Variants in SUGCT observed in about 807,000 individuals in gnomAD.
SUGCT encodes the protein succinyl-CoA:glutarate CoA-transferase.
A neutral mutation model predicts 55.0 loss-of-function variants in SUGCT; 41 were observed. The ratio of observed to expected loss-of-function variants is 0.74; its 90% CI spans 0.58 to 0.97. The LOEUF (loss-of-function observed/expected upper bound fraction) is 0.97, where lower values mean the gene tolerates loss of function less well. Ranked by LOEUF, SUGCT falls within the 50% of genes least tolerant of loss-of-function variation. The pLI is 0.00. For synonymous variants in SUGCT, 187 were observed against 200.4 expected (o/e 0.93, Z 0.56); for missense variants, 568 against 547.8 (o/e 1.04, Z -0.37).
chr7:40,348,891 A>G (rs1009089931), intron 9 of SUGCT, among the ~76,000 whole-genome samples: 2 of 152,140 alleles, frequency 1.3e-5, no homozygotes, highest in Admixed American at 1.3e-4. Flanking sequence ...TTTCATATTT[A>G]AGGAAGAACA....
At chr7:40,715,074 A>T (rs910226704) in intron 12 of SUGCT, among the ~76,000 whole-genome samples, 1 of 152,194 alleles carries the variant, frequency 6.6e-6, no homozygotes, top group Admixed American at 6.5e-5. Context: ...ATGGAAAAAA[A>T]AAATTGTAAG....
At chr7:40,908,194 C>T in the SUGCT span, among the ~76,000 whole-genome samples, 11 of 151,394 alleles carry the variant, frequency 7.3e-5, no homozygotes, top group East Asian at 3.9e-4. Context: ...CTGGCTAACA[C>T]GGTGAAACCC....
intron 13 of SUGCT, among the ~76,000 whole-genome samples, chr7:40,810,341 A>G (rs141786424): frequency 0.085 from 12,942 of 152,224 alleles, 656 homozygotes; most frequent in Middle Eastern, 0.17. Context: ...AGAAATCTCC[A>G]AACTGCTTTC....
intron 1 of SUGCT, among the ~76,000 whole-genome samples, chr7:40,179,861 C>T (rs760390516): frequency 1.9e-4 from 29 of 152,266 alleles, no homozygotes; most frequent in Admixed American, 5.9e-4. Flanking sequence ...ATCCTGTTGG[C>T]GAAAACAAGG....
chr7:40,328,578 C>A (rs760246315), intron 9 of SUGCT, among the ~76,000 whole-genome samples: 1 of 152,082 alleles, frequency 6.6e-6, no homozygotes, highest in African/African-American at 2.4e-5. Context: ...TATTCACACC[C>A]CATTTCAACC....
intron 12 of SUGCT, among the ~76,000 whole-genome samples, chr7:40,721,447 G>A (rs1231210445): frequency 1.3e-5 from 2 of 152,166 alleles, no homozygotes; most frequent in African/African-American, 4.8e-5. Flanking sequence ...TGCTCTCAGA[G>A]GATCTCACTG....
At chr7:40,504,246 A>AAAACAAAC (rs143157340) in intron 12 of SUGCT, among the ~76,000 whole-genome samples, 44 of 152,080 alleles carry the variant, frequency 2.9e-4, no homozygotes, top group African/African-American at 1.1e-3. Flanking sequence ...TCTTTTTTAA[A>AAAACAAAC]AAACAAACAA....
At chr7:40,338,024 A>G (rs982388249) in intron 9 of SUGCT, among the ~76,000 whole-genome samples, 2 of 152,140 alleles carry the variant, frequency 1.3e-5, no homozygotes, top group Non-Finnish European at 2.9e-5. Context: ...GTTTGGGTGG[A>G]TATGAAATTC....
At chr7:40,504,904 A>G (rs930818247) in intron 12 of SUGCT, among the ~76,000 whole-genome samples, 2 of 152,160 alleles carry the variant, frequency 1.3e-5, no homozygotes, top group African/African-American at 4.8e-5. Flanking sequence ...GTATTTCCCA[A>G]ACTTTCTAAT....
chr7:40,557,607 TAC>T, intron 12 of SUGCT, among the ~76,000 whole-genome samples: 1 of 151,948 alleles, frequency 6.6e-6, no homozygotes, highest in Non-Finnish European at 1.5e-5. Context: ...ACCCCATTTC[TAC>T]TAAAAATACA....
chr7:40,527,212 C>CT (rs1439235150), intron 12 of SUGCT, among the ~76,000 whole-genome samples: 2 of 152,128 alleles, frequency 1.3e-5, no homozygotes, highest in Non-Finnish European at 2.9e-5. Context: ...GTTTGAAATT[C>CT]TTTTTCAAAT....
At chr7:40,570,292 A>G (rs1332832313) in intron 12 of SUGCT, among the ~76,000 whole-genome samples, 1 of 152,218 alleles carries the variant, frequency 6.6e-6, no homozygotes, top group Non-Finnish European at 1.5e-5. Context: ...TTGAACTAAT[A>G]TTTGCTGAGT....
At chr7:40,504,703 G>C (rs1044599837) in intron 12 of SUGCT, among the ~76,000 whole-genome samples, 1 of 152,106 alleles carries the variant, frequency 6.6e-6, no homozygotes, top group African/African-American at 2.4e-5. Context: ...CAGAGTGCTG[G>C]GGTAACAGGT....
At chr7:40,916,427 C>A in the SUGCT span, among the ~76,000 whole-genome samples, 4 of 152,146 alleles carry the variant, frequency 2.6e-5, no homozygotes, top group Non-Finnish European at 5.9e-5. Context: ...TCACTAGTTA[C>A]TACTAGATTT....
intron 12 of SUGCT, among the ~76,000 whole-genome samples, chr7:40,526,425 G>C (rs959185155): frequency 3.3e-5 from 5 of 152,106 alleles, no homozygotes; most frequent in Non-Finnish European, 5.9e-5. Flanking sequence ...TGACATTTAA[G>C]GCAATGTACT....
chr7:40,776,951 A>C (rs1789482615), intron 13 of SUGCT, among the ~76,000 whole-genome samples: 2 of 152,228 alleles, frequency 1.3e-5, no homozygotes, highest in South Asian at 4.1e-4. Context: ...TATCAAGCCA[A>C]AGGTTGGTTT....
chr7:40,691,965 A>G (rs1052133113), intron 12 of SUGCT, among the ~76,000 whole-genome samples: 9 of 152,334 alleles, frequency 5.9e-5, no homozygotes, highest in African/African-American at 1.9e-4. Context: ...GATCTATTTC[A>G]TAGATAAACA....
the SUGCT span, among the ~76,000 whole-genome samples, chr7:40,972,442 TAGCATGAATATC>T: frequency 6.6e-6 from 1 of 152,206 alleles, no homozygotes; most frequent in East Asian, 1.9e-4. Context: ...GTACTGCAGA[TAGCATGAATATC>T]AGCATGTACG....
intron 12 of SUGCT, among the ~76,000 whole-genome samples, chr7:40,632,585 T>A (rs1229246564): frequency 6.7e-6 from 1 of 150,344 alleles, no homozygotes; most frequent in Non-Finnish European, 1.5e-5. Context: ...TCTTCTGACT[T>A]GCTTGCTGTT....
Sources: allele counts gnomAD v4.1 joint callset (sites outside exome capture counted in the v4.1 genomes callset), GRCh38; gene constraint gnomAD v4.1.1; transcripts MANE v1.5; gene names NCBI Gene and HGNC (gene_info 2026-07-23, HGNC 2026-07-21).